Variants in HDAC9 observed in about 807,000 individuals in gnomAD.
HDAC9 encodes the protein MEF-2 interacting transcription repressor (MITR) protein.
A neutral mutation model predicts 139.4 loss-of-function variants in HDAC9; 41 were observed. The observed-to-expected ratio is 0.29, with a 90% CI of 0.23 to 0.38. The LOEUF is 0.38. Among genes scored for constraint, HDAC9 ranks in the 10% least tolerant of loss-of-function variants. The pLI is 1.00. For missense variants in HDAC9, 1,147 were observed against 1,297.0 expected (o/e 0.88, Z 1.78); for synonymous variants, 517 against 476.2 (o/e 1.09, Z -1.12).
chr7:18,673,675 C>T (rs1406098532), intron 12 of HDAC9, among the ~76,000 whole-genome samples: 3 of 151,858 alleles, frequency 2.0e-5, no homozygotes, highest in South Asian at 2.1e-4. Flanking sequence ...TGCTTTAGAT[C>T]GTCTTCATCT....
chr7:18,485,795 C>T (rs972480321), intron 1 of HDAC9, among the ~76,000 whole-genome samples: 2 of 152,026 alleles, frequency 1.3e-5, no homozygotes, highest in African/African-American at 2.4e-5. Flanking sequence ...GGCTAAGTAA[C>T]GTATCCAAGT....
intron 12 of HDAC9, among the ~76,000 whole-genome samples, chr7:18,705,073 C>T (rs80025489): frequency 0.13 from 19,227 of 151,974 alleles, 1,318 homozygotes; most frequent in East Asian, 0.21. Context: ...ATTAAATATG[C>T]GTTCCTGTGT....
chr7:18,673,184 G>T lies in HDAC9; in HGVS notation c.1731+6708G>T, dbSNP rs113607976. Reference sequence around the variant, plus strand: ...AGACCTAGATACCTGGGAGGTTAGGGCAGGAGGATTGTTGAGCCCACGAGT... The same window carrying T: ...AGACCTAGATACCTGGGAGGTTAGGTCAGGAGGATTGTTGAGCCCACGAGT... On this transcript the variant is annotated intron_variant, in intron 12 of 25. Coordinates refer to ENST00000686413, the MANE Select transcript of HDAC9 (RefSeq NM_178425.4). 2.4e-4 allele frequency among the ~76,000 whole-genome samples: 37 copies of T among 152,104 alleles called. 2 individuals carry two copies. Among genetic ancestry groups the T allele is most frequent in the African/African-American group, 8.9e-4 (37 of 41,520 alleles).
At chr7:18,286,115 C>T (rs1396592121), upstream of HDAC9, among the ~76,000 whole-genome samples, 1 of 152,042 alleles carries the variant, frequency 6.6e-6, no homozygotes, top group African/African-American at 2.4e-5. Context: ...TCTTCTGATT[C>T]TGCAGAATTG....
chr7:18,495,188 C>T (rs868021192), upstream of HDAC9, among the ~76,000 whole-genome samples: 2 of 152,042 alleles, frequency 1.3e-5, no homozygotes, highest in African/African-American at 4.8e-5. Context: ...TCTAGTGCTA[C>T]AGCCAACTGC....
At chr7:18,139,081 A>T (rs1413717155) in intron 1 of HDAC9, among the ~76,000 whole-genome samples, 1 of 150,438 alleles carries the variant, frequency 6.6e-6, no homozygotes, top group Non-Finnish European at 1.5e-5. Flanking sequence ...TTAAATATTT[A>T]ATTTTATTGG....
chr7:18,178,753 G>T (rs997762573), intron 2 of HDAC9, among the ~76,000 whole-genome samples: 6 of 152,148 alleles, frequency 3.9e-5, no homozygotes, highest in Non-Finnish European at 8.8e-5. Context: ...ATACAGTTTT[G>T]CATACTGTAT....
In HDAC9 at chr7:18,732,935, A is replaced by ATGTGTATACACACGTGTGTATGTG. The variant is rs1562893736; in HGVS notation, c.1909+5195_1909+5196insGTATGTGTGTGTATACACACGTGT. Among the ~76,000 whole-genome samples, 12 of 73,150 alleles carry ATGTGTATACACACGTGTGTATGTG rather than the reference A, an allele frequency of 1.6e-4. 2 individuals carry two copies. The highest frequency in any genetic ancestry group is 4.7e-4 in the South Asian group (1 of 2,122). The allele number at this position is 73,150 out of a possible 152,430, so 48.0% of individuals were successfully genotyped here. The stretch of plus-strand genomic sequence containing the variant: ...TATGTGTATACACACGTGTGTATGT[A>ATGTGTATACACACGTGTGTATGTG]TGTGTATACACACGTGTATGTGTGT... On this transcript the variant is annotated intron_variant, in intron 13 of 25. Coordinates refer to ENST00000686413, the MANE Select transcript of HDAC9 (RefSeq NM_178425.4).
chr7:18,198,154 G>T (rs1041560789), intron 2 of HDAC9, among the ~76,000 whole-genome samples: 2 of 151,916 alleles, frequency 1.3e-5, no homozygotes, highest in African/African-American at 4.8e-5. Flanking sequence ...TACTGTAATA[G>T]ATTAAATAAA....
intron 2 of HDAC9, among the ~76,000 whole-genome samples, chr7:18,250,255 ATG>A (rs1260896699): frequency 6.6e-6 from 1 of 152,248 alleles, no homozygotes; most frequent in Non-Finnish European, 1.5e-5. Context: ...ATCTAAAACA[ATG>A]TGATTATTTT....
At chr7:18,733,455 G>A (rs889531641) in intron 13 of HDAC9, among the ~76,000 whole-genome samples, 2 of 150,742 alleles carry the variant, frequency 1.3e-5, no homozygotes, top group South Asian at 2.1e-4. Flanking sequence ...TTAAATTGCT[G>A]TCCTCAAATA....
intron 2 of HDAC9, among the ~76,000 whole-genome samples, chr7:18,579,508 C>A (rs1298814336): frequency 1.3e-5 from 2 of 152,300 alleles, no homozygotes; most frequent in Non-Finnish European, 2.9e-5. Flanking sequence ...ACAGAAGAAG[C>A]AGAATAGATA....
chr7:18,272,298 G>T (rs1796402273), intron 2 of HDAC9, among the ~76,000 whole-genome samples: 1 of 152,114 alleles, frequency 6.6e-6, no homozygotes, highest in Admixed American at 6.6e-5. Context: ...TTTAGACCTT[G>T]TAAGTATAAT....
chr7:18,243,567 G>A (rs893930033), intron 2 of HDAC9, among the ~76,000 whole-genome samples: 2 of 152,252 alleles, frequency 1.3e-5, no homozygotes, highest in African/African-American at 4.8e-5. Context: ...TTGCTGAGCA[G>A]TCTCCATTCA....
intron 5 of HDAC9, 78 bp from the exon 6 acceptor site, chr7:18,593,830 C>A: frequency 1.4e-6 from 2 of 1,463,166 alleles, no homozygotes; most frequent in South Asian, 1.2e-5. Flanking sequence ...ACGTGTACAG[C>A]GTGTGCAGCT....
chr7:18,731,485 G>C (rs1178132), intron 13 of HDAC9, among the ~76,000 whole-genome samples: 38,490 of 152,012 alleles, frequency 0.25, 5,252 homozygotes, highest in East Asian at 0.52. Flanking sequence ...ACTGGATTAG[G>C]CACACAACTC....
In HDAC9 at chr7:18,786,030, G is replaced by A. The variant is rs148714404; in HGVS notation, c.2215-7315G>A. Among the ~76,000 whole-genome samples the A allele has an allele frequency of 6.4e-4, 97 of 152,144 alleles. 1 individual carries two copies. In the East Asian group the frequency reaches 0.012, roughly 19 times the overall value. ...GAAAATAACTTTATAGAGTAGGGAA[G>A]TATATAATAAAACTGAAAACATGGA... On this transcript the variant is annotated intron_variant, in intron 16 of 25. Coordinates refer to ENST00000686413, the MANE Select transcript of HDAC9 (RefSeq NM_178425.4).
chr7:18,669,733 T>C (rs976911587), intron 12 of HDAC9, among the ~76,000 whole-genome samples: 1 of 151,864 alleles, frequency 6.6e-6, no homozygotes, highest in Non-Finnish European at 1.5e-5. Context: ...TGAAGTGTTA[T>C]ATAGGGTGAG....
chr7:18,980,772 T>TTCTTCC (rs1426862558), intron 25 of HDAC9, among the ~76,000 whole-genome samples: 40 of 119,946 alleles, frequency 3.3e-4, no homozygotes, highest in Admixed American at 6.0e-4. Context: ...CTTCTTCTTC[T>TTCTTCC]TCTTCCTCTT....
Sources: gnomAD v4.1 joint callset for allele counts (sites outside exome capture counted in the v4.1 genomes callset) on GRCh38, gnomAD v4.1.1 for gene constraint, MANE v1.5 for transcripts, NCBI Gene and HGNC (gene_info 2026-07-23, HGNC 2026-07-21) for gene names.